ASIC2: variants seen among roughly 807,000 people sequenced by gnomAD.
ASIC2 encodes the protein acid-sensing ion channel 2.
Under a neutral mutation model 57.3 loss-of-function variants are expected in ASIC2, and 25 were observed. The observed-to-expected ratio is 0.44, with a 90% CI of 0.32 to 0.61. The LOEUF (loss-of-function observed/expected upper bound fraction) is 0.61. Ranked by LOEUF, ASIC2 falls within the 20% of genes least tolerant of loss-of-function variation. The probability of loss-of-function intolerance (pLI) is 0.06; values close to 1 mark genes in which losing one functional copy is unlikely to be tolerated. For synonymous variants in ASIC2, 319 were observed against 307.5 expected, an observed-to-expected ratio of 1.04 and a Z score of -0.39; for missense variants, 641 against 738.1, an observed-to-expected ratio of 0.87 and a Z score of 1.52.
intron 1 of ASIC2, among the ~76,000 whole-genome samples, chr17:34,132,869 GC>G (rs1374557473): frequency 6.6e-6 from 1 of 152,180 alleles, no homozygotes; most frequent in African/African-American, 2.4e-5. Context: ...CATCCTGGAA[GC>G]CTGTGCTCAG....
At chr17:33,106,533 C>T (rs2092235220) in intron 2 of ASIC2, among the ~76,000 whole-genome samples, 1 of 152,150 alleles carries the variant, frequency 6.6e-6, no homozygotes, top group East Asian at 1.9e-4. Flanking sequence ...CAGACGTAAC[C>T]CACCCTCAAT....
intron 1 of ASIC2, among the ~76,000 whole-genome samples, chr17:33,315,473 G>A (rs543733970): frequency 1.3e-5 from 2 of 152,224 alleles, no homozygotes; most frequent in South Asian, 4.2e-4. Flanking sequence ...AAAATATAAG[G>A]ATAAAATCAA....
intron 1 of ASIC2, among the ~76,000 whole-genome samples, chr17:34,020,332 ATCT>A: frequency 6.6e-6 from 1 of 152,280 alleles, no homozygotes; most frequent in South Asian, 2.1e-4. Flanking sequence ...GACATCTCAG[ATCT>A]TCAAATGTCA....
chr17:33,387,318 C>T, intron 1 of ASIC2, among the ~76,000 whole-genome samples: 1 of 152,256 alleles, frequency 6.6e-6, no homozygotes. Context: ...TCAGACCCAG[C>T]TGTGACCCAG....
intron 1 of ASIC2, among the ~76,000 whole-genome samples, chr17:33,869,366 T>G (rs1914330093): frequency 6.6e-6 from 1 of 152,208 alleles, no homozygotes; most frequent in Non-Finnish European, 1.5e-5. Context: ...TCCTCAAAAC[T>G]GACCCAGCAA....
rs140552170 is a variant in ASIC2 at position 34,109,929 on chromosome 17, C to CGT, written c.555+46047_555+46048dup. Among the ~76,000 whole-genome samples, 97 of 150,560 alleles carry CGT rather than the reference C, an allele frequency of 6.4e-4. No individual in the cohort carries two copies. In the Middle Eastern group the frequency reaches 0.017, roughly 27 times the overall value. On this transcript the variant is annotated intron_variant, in intron 1 of 9. Coordinates refer to the ASIC2 transcript ENST00000359872. ...TATAGATTTTATGACTAGGTATATG[C>CGT]GTGTGTGTGTGTGTTTGTGTGTGTG...
chr17:34,151,122 AAAAT>A (rs1259159887), intron 1 of ASIC2, among the ~76,000 whole-genome samples: 2 of 125,642 alleles, frequency 1.6e-5, no homozygotes, highest in African/African-American at 5.4e-5. Context: ...AAAAAAAAAA[AAAAT>A]AAAGAGGTAG....
At chr17:33,674,507 C>T (rs57794099) in intron 1 of ASIC2, among the ~76,000 whole-genome samples, 7,016 of 152,228 alleles carry the variant, frequency 0.046, 411 homozygotes, top group African/African-American at 0.14. Context: ...AGCTACTATT[C>T]TTAGCACTTG....
At chr17:33,023,382 C>T (rs961916337) in intron 6 of ASIC2, among the ~76,000 whole-genome samples, 3 of 151,336 alleles carry the variant, frequency 2.0e-5, no homozygotes, top group Non-Finnish European at 2.9e-5. Flanking sequence ...TCCAGCTGCT[C>T]GTGAAGCTGA....
intron 1 of ASIC2, chr17:33,530,281 G>A (rs1915010645): frequency 6.6e-6 from 1 of 152,202 alleles, no homozygotes; most frequent in Admixed American, 6.5e-5. Flanking sequence ...GAACCTAAAT[G>A]CTTTGTAGAC....
chr17:33,287,684 C>A (rs919094115), intron 1 of ASIC2, among the ~76,000 whole-genome samples: 2 of 152,108 alleles, frequency 1.3e-5, no homozygotes, highest in South Asian at 4.1e-4. Context: ...CCAACAGACA[C>A]CCCCCTCCCC....
At chr17:33,239,727 G>C (rs1423124794) in intron 1 of ASIC2, among the ~76,000 whole-genome samples, 2 of 152,168 alleles carry the variant, frequency 1.3e-5, no homozygotes, top group Admixed American at 1.3e-4. Context: ...GCTGAGATCT[G>C]GGGAGAGCCA....
intron 1 of ASIC2, among the ~76,000 whole-genome samples, chr17:34,062,118 T>G (rs62058984): frequency 0.091 from 13,903 of 152,184 alleles, 858 homozygotes; most frequent in Non-Finnish European, 0.14. Flanking sequence ...GACCATATAA[T>G]AGGACATAAA....
upstream of ASIC2, among the ~76,000 whole-genome samples, chr17:33,293,971 T>A (rs1214531570): frequency 1.3e-5 from 2 of 152,014 alleles, no homozygotes; most frequent in African/African-American, 4.8e-5. Context: ...TGTTGAGGCA[T>A]TGCGAGCAGG....
chr17:33,369,447 G>A (rs560844532), intron 1 of ASIC2, among the ~76,000 whole-genome samples: 3 of 152,210 alleles, frequency 2.0e-5, no homozygotes, highest in Non-Finnish European at 2.9e-5. Context: ...CTTTTTTGAG[G>A]CTTCCTTTCC....
At chr17:33,555,798 C>T (rs1422414032) in intron 1 of ASIC2, among the ~76,000 whole-genome samples, 2 of 152,092 alleles carry the variant, frequency 1.3e-5, no homozygotes, top group East Asian at 3.9e-4. Flanking sequence ...CTCCCACAGG[C>T]CTTGATTTCG....
chr17:33,893,844 A>G (rs1156520595), intron 1 of ASIC2, among the ~76,000 whole-genome samples: 2 of 152,220 alleles, frequency 1.3e-5, no homozygotes, highest in African/African-American at 4.8e-5. Context: ...AAATATTCCT[A>G]TTCTTCAGCA....
At chr17:33,071,022 G>T (rs1399944343) in intron 3 of ASIC2, among the ~76,000 whole-genome samples, 1 of 151,838 alleles carries the variant, frequency 6.6e-6, no homozygotes, top group Non-Finnish European at 1.5e-5. Flanking sequence ...TTTTTCTCTG[G>T]ACGCTTTTAA....
At chr17:33,026,010 T>G in intron 4 of ASIC2, 28 bp from the exon 5 acceptor site, 18 of 1,611,556 alleles carry the variant, frequency 1.1e-5, no homozygotes, top group Non-Finnish European at 1.5e-5. Context: ...CAGACAGAGT[T>G]ACTCAGGCAG....
Sources: allele counts gnomAD v4.1 joint callset (sites outside exome capture counted in the v4.1 genomes callset), GRCh38; gene constraint gnomAD v4.1.1; transcripts MANE v1.5; gene names NCBI Gene and HGNC (gene_info 2026-07-23, HGNC 2026-07-21).